Variants in HDAC11 observed in about 807,000 individuals in gnomAD.
The protein encoded by HDAC11 is histone deacetylase 11.
HDAC11 carries 23 observed loss-of-function variants against 41.1 expected under a neutral mutation model. That is an observed-to-expected ratio of 0.56 (90% CI 0.40 to 0.79). HDAC11 has a LOEUF of 0.79. Among genes scored for constraint, HDAC11 ranks in the 30% least tolerant of loss-of-function variants. The pLI is 0.00. For missense variants in HDAC11, 402 were observed against 477.3 expected (o/e 0.84, Z 1.47); for synonymous variants, 187 against 186.6 (o/e 1.00, Z -0.02).
intron 3 of HDAC11, among the ~76,000 whole-genome samples, chr3:13,491,262 G>C (rs567860907): frequency 6.6e-6 from 1 of 151,888 alleles, no homozygotes; most frequent in Non-Finnish European, 1.5e-5. Flanking sequence ...AGTGGAGCAG[G>C]CATCTTTGTC....
At chr3:13,492,542 A>G (rs1320197538) in intron 3 of HDAC11, among the ~76,000 whole-genome samples, 2 of 151,898 alleles carry the variant, frequency 1.3e-5, no homozygotes. Flanking sequence ...CCCAGGTGGG[A>G]GTATTTTATT....
chr3:13,489,199 A>C (rs960150441), intron 3 of HDAC11, among the ~76,000 whole-genome samples: 13 of 151,906 alleles, frequency 8.6e-5, no homozygotes, highest in African/African-American at 2.9e-4. Context: ...CTTTTTTTTG[A>C]TAGTGTCCTT....
chr3:13,491,002 G>C (rs1004410766), intron 3 of HDAC11, among the ~76,000 whole-genome samples: 1 of 151,474 alleles, frequency 6.6e-6, no homozygotes, highest in Non-Finnish European at 1.5e-5. Flanking sequence ...GCCCACCTCG[G>C]CCTCTCAAAG....
intron 5 of HDAC11, 22 bp downstream of exon 5, chr3:13,498,577 G>C (rs199581086): frequency 6.2e-7 from 1 of 1,613,432 alleles, no homozygotes; most frequent in Non-Finnish European, 8.5e-7. Context: ...GAATGTCCTC[G>C]GGAATGTCCA....
intron 3 of HDAC11, chr3:13,496,493 C>A: frequency 5.1e-6 from 2 of 393,624 alleles, no homozygotes; most frequent in South Asian, 3.5e-5. Context: ...CTGAGGAACC[C>A]TGGCCAACTA....
chr3:13,492,254 T>A (rs945124194), intron 3 of HDAC11, among the ~76,000 whole-genome samples: 3 of 152,134 alleles, frequency 2.0e-5, no homozygotes, highest in African/African-American at 4.8e-5. Flanking sequence ...CCCTTGTCAG[T>A]CATGGCTCTC....
At chr3:13,481,194 G>A in intron 1 of HDAC11, 52 bp from the exon 2 acceptor site, 1 of 1,576,486 alleles carries the variant, frequency 6.3e-7, no homozygotes, top group Non-Finnish European at 8.6e-7. Flanking sequence ...GGAGGGAGCT[G>A]CTTTCTGCCG....
At chr3:13,482,595 C>T (rs1701371512) in intron 2 of HDAC11, among the ~76,000 whole-genome samples, 1 of 152,188 alleles carries the variant, frequency 6.6e-6, no homozygotes, top group African/African-American at 2.4e-5. Flanking sequence ...CCAGCTTGGG[C>T]AACATAGCAA....
chr3:13,485,572 T>C (rs1701520757), intron 3 of HDAC11, among the ~76,000 whole-genome samples: 1 of 152,200 alleles, frequency 6.6e-6, no homozygotes. Flanking sequence ...TTGGGCAGGC[T>C]GCATGCCTGG....
At chr3:13,489,899 A>G (rs550303279) in intron 3 of HDAC11, among the ~76,000 whole-genome samples, 15 of 152,156 alleles carry the variant, frequency 9.9e-5, no homozygotes, top group East Asian at 1.9e-4. Context: ...CTATATGTCA[A>G]TACCACACTA....
chr3:13,483,313 C>T, intron 2 of HDAC11, 151 bp from the exon 3 acceptor site: 5 of 631,552 alleles, frequency 7.9e-6, no homozygotes, highest in South Asian at 1.9e-5. Flanking sequence ...GGGGAGGCTA[C>T]CCCTTCTCAG....
chr3:13,492,821 G>C, intron 3 of HDAC11, among the ~76,000 whole-genome samples: 1 of 152,204 alleles, frequency 6.6e-6, no homozygotes, highest in East Asian at 1.9e-4. Context: ...TGGGATTACA[G>C]ATGTAAGCCA....
In HDAC11 at chr3:13,502,946, C is replaced by T. The variant is rs912702816; in HGVS notation, c.615C>T (p.Asn205=). 1.2e-6 allele frequency: 2 copies of T among 1,613,672 alleles called. No homozygotes were observed. The highest frequency in any genetic ancestry group is 8.5e-7 in the Non-Finnish European group (1 of 1,179,902). The change falls in exon 8 of 10, where the codon AAC becomes AAT. Residue 205 remains asparagine, a synonymous_variant. Transcript: ENST00000295757. The surrounding 1 kb of genome is among the most constrained non-coding windows in gnomAD (Gnocchi z 4.1). ...DKRVYIMDVY[N]RHIYPGDRFA... is the part of the protein sequence containing the mutation. ...GTGTGTACATCATGGATGTCTACAA[C>T]CGCCACATCTACCCAGGGGACCGCT...
chr3:13,503,495 C>T (rs1016567242), intron 8 of HDAC11, among the ~76,000 whole-genome samples: 14 of 152,192 alleles, frequency 9.2e-5, no homozygotes, highest in Non-Finnish European at 7.3e-5. Flanking sequence ...ACCTGGGAGG[C>T]GGAGGTTTCG....
intron 3 of HDAC11, among the ~76,000 whole-genome samples, chr3:13,491,708 G>A (rs942194626): frequency 3.3e-5 from 5 of 152,252 alleles, no homozygotes; most frequent in African/African-American, 1.2e-4. Context: ...CCTGCTCTCT[G>A]TGGAGTCCCA....
intron 3 of HDAC11, among the ~76,000 whole-genome samples, chr3:13,496,280 G>C (rs1472846121): frequency 6.6e-6 from 1 of 152,230 alleles, no homozygotes; most frequent in Non-Finnish European, 1.5e-5. Flanking sequence ...CCAGAGGCCA[G>C]GGCTCCCGTC....
chr3:13,481,351 C>T lies in HDAC11; in HGVS notation c.108C>T (p.Pro36=). The change falls in exon 2 of 10, where the codon CCC becomes CCT. Residue 36 remains proline (P), a synonymous_variant. Coordinates refer to ENST00000295757, the MANE Select transcript of HDAC11 (RefSeq NM_024827.4). ...ITFMGLEKLH[P]FDAGKWGKVI... Reference sequence around the variant, plus strand: ...TCATGGGCCTGGAGAAGCTGCATCCCTTTGATGCCGGAAAATGGGGCAAAG... The same window carrying T: ...TCATGGGCCTGGAGAAGCTGCATCCTTTTGATGCCGGAAAATGGGGCAAAG... 2 of 1,614,118 alleles carry T rather than the reference C, an allele frequency of 1.2e-6. No homozygotes were observed. The highest frequency in any genetic ancestry group is 8.5e-7 in the Non-Finnish European group (1 of 1,180,010).
intron 8 of HDAC11, 28 bp downstream of exon 8, chr3:13,503,008 G>T: frequency 6.4e-7 from 1 of 1,561,460 alleles, no homozygotes; most frequent in Non-Finnish European, 8.8e-7. Flanking sequence ...CCCTCATCTT[G>T]GGTGTGTCCT....
At chr3:13,483,655 G>GA in intron 3 of HDAC11, 91 bp downstream of exon 3, 3 of 972,082 alleles carry the variant, frequency 3.1e-6, no homozygotes, top group Non-Finnish European at 4.9e-6. Flanking sequence ...TCAGCCTGGG[G>GA]AAGCCAAGTC....
Sources: allele counts gnomAD v4.1 joint callset (sites outside exome capture counted in the v4.1 genomes callset), GRCh38; gene constraint gnomAD v4.1.1; non-coding constraint Gnocchi (gnomAD v3.1); transcripts MANE v1.5; gene names NCBI Gene and HGNC (gene_info 2026-07-23, HGNC 2026-07-21).